Variants in ADAMTS2 observed in about 807,000 individuals in gnomAD.
ADAMTS2 encodes the protein A disintegrin and metalloproteinase with thrombospondin motifs 2.
Under a neutral mutation model 123.0 loss-of-function variants are expected in ADAMTS2, and 50 were observed. That is an observed-to-expected ratio of 0.41 (90% CI 0.32 to 0.51). ADAMTS2 has a LOEUF of 0.51. Among genes scored for constraint, ADAMTS2 ranks in the 20% least tolerant of loss-of-function variants. ADAMTS2 has a pLI of 0.35. For synonymous variants in ADAMTS2, 678 were observed against 695.4 expected (o/e 0.98, Z 0.39); for missense variants, 1,494 against 1,705.2 (o/e 0.88, Z 2.18).
At chr5:179,302,645 G>T (rs569007303) in intron 2 of ADAMTS2, among the ~76,000 whole-genome samples, 1 of 151,900 alleles carries the variant, frequency 6.6e-6, no homozygotes, top group Non-Finnish European at 1.5e-5. Flanking sequence ...CTCCCGGGGG[G>T]GCAAATGGCA....
In ADAMTS2 at chr5:179,132,932, A is replaced by T; in HGVS notation, c.2086-32T>A. 6.2e-7 allele frequency: 1 copy of T among 1,609,792 alleles called. No individual in the cohort carries two copies. Among genetic ancestry groups the T allele is most frequent in the Non-Finnish European group, 8.5e-7 (1 of 1,178,308 alleles). On this transcript the variant is annotated intron_variant, in intron 13 of 21. Coordinates refer to ENST00000251582, the MANE Select transcript of ADAMTS2 (RefSeq NM_014244.5). This position sits in a 1 kb window ranked among gnomAD's most constrained non-coding sequence, Gnocchi z 6.1. ...GGGGAGGAGGCAGTGAGCACTTGAGACGTCCTGCTAGTAGAGTCAGGGTCA... is the reference window on the plus strand; with the variant it reads ...GGGGAGGAGGCAGTGAGCACTTGAGTCGTCCTGCTAGTAGAGTCAGGGTCA...
chr5:179,319,150 C>T (rs955718671), intron 2 of ADAMTS2, among the ~76,000 whole-genome samples: 3 of 152,178 alleles, frequency 2.0e-5, no homozygotes, highest in African/African-American at 4.8e-5. Flanking sequence ...ACATGCACCA[C>T]GTGTGCACTC....
rs1561642567 is a variant in ADAMTS2, at chr5:179,256,567, G to A, written c.688+16344C>T. ...GGAGAGAGAGACGGAGAGAGTTTAT[G>A]TACGTGTAACTACCAACCAGAGTCC... is the stretch of plus-strand genomic sequence containing the variant. On this transcript the variant is annotated intron_variant, in intron 3 of 21. Transcript: ENST00000251582. The surrounding 1 kb of genome is among the most constrained non-coding windows in gnomAD (Gnocchi z 4.1). 6.6e-6 allele frequency among the ~76,000 whole-genome samples: 1 copy of A among 152,176 alleles called. No individual in the cohort carries two copies. Among genetic ancestry groups the A allele is most frequent in the Non-Finnish European group, 1.5e-5 (1 of 68,020 alleles).
intron 3 of ADAMTS2, among the ~76,000 whole-genome samples, chr5:179,233,112 G>A (rs1765448274): frequency 6.6e-6 from 1 of 152,196 alleles, no homozygotes; most frequent in African/African-American, 2.4e-5. Context: ...TTTACTGGGA[G>A]AATCGTTTTT....
At chr5:179,283,112 T>C (rs1766963858) in intron 2 of ADAMTS2, among the ~76,000 whole-genome samples, 1 of 151,950 alleles carries the variant, frequency 6.6e-6, no homozygotes, top group African/African-American at 2.4e-5. Flanking sequence ...ACTTTAAAAC[T>C]GAGACACCTG....
chr5:179,300,531 T>A (rs961197765), intron 2 of ADAMTS2, among the ~76,000 whole-genome samples: 5 of 152,206 alleles, frequency 3.3e-5, no homozygotes, highest in Non-Finnish European at 7.3e-5. Context: ...CCCATTGATG[T>A]CTTTGCAACA....
Position 179,151,899 on chromosome 5 carries a change from G to A in ADAMTS2, c.1629+243C>T, listed in dbSNP as rs191949094. ...TCCTTAAAGGGGGATTCCTGAGTGG[G>A]GGGCATGAAGCACCATGAGGAACTC... On this transcript the variant is annotated intron_variant, in intron 10 of 21. Coordinates refer to ENST00000251582, the MANE Select transcript of ADAMTS2 (RefSeq NM_014244.5). Among the ~76,000 whole-genome samples, 90 of 152,288 alleles carry A rather than the reference G, an allele frequency of 5.9e-4. 1 individual carries two copies. In the East Asian group the frequency reaches 0.015, roughly 26 times the overall value.
rs147352729 is a variant in ADAMTS2 at position 179,266,484 on chromosome 5, G to A, written c.688+6427C>T. ...GGAACGCCAACAGCCCCCAGGAGCT[G>A]GGAGGGGCCAGGAATGGATTCTGCC... On this transcript the variant is annotated intron_variant, in intron 3 of 21. Coordinates refer to ENST00000251582, the MANE Select transcript of ADAMTS2 (RefSeq NM_014244.5). Among the ~76,000 whole-genome samples the A allele has an allele frequency of 6.9e-3, 1,054 of 152,314 alleles. 14 individuals carry two copies. The highest frequency in any genetic ancestry group is 0.024 in the African/African-American group (1,012 of 41,572).
At chr5:179,320,176 T>C (rs920819859) in intron 2 of ADAMTS2, among the ~76,000 whole-genome samples, 4 of 152,204 alleles carry the variant, frequency 2.6e-5, no homozygotes, top group African/African-American at 9.6e-5. Context: ...GCTCCATGTC[T>C]GCCTCGTGTC....
At chr5:179,321,917 T>G (rs1024965370) in intron 2 of ADAMTS2, among the ~76,000 whole-genome samples, 2 of 152,024 alleles carry the variant, frequency 1.3e-5, no homozygotes, top group African/African-American at 4.8e-5. Flanking sequence ...GTTTCCTGAG[T>G]AGATTATGCT....
At chr5:179,236,843 C>A (rs1366041430) in intron 3 of ADAMTS2, among the ~76,000 whole-genome samples, 3 of 152,054 alleles carry the variant, frequency 2.0e-5, no homozygotes, top group African/African-American at 7.2e-5. Context: ...TATTTGTACC[C>A]CCAAAATTCA....
intron 10 of ADAMTS2, among the ~76,000 whole-genome samples, chr5:179,148,166 A>G (rs1269572528): frequency 6.6e-6 from 1 of 152,034 alleles, no homozygotes; most frequent in Non-Finnish European, 1.5e-5. Context: ...GCACAGCAGC[A>G]CTGCAGCGCT....
At chr5:179,135,695 G>C (rs1763054603) in intron 13 of ADAMTS2, among the ~76,000 whole-genome samples, 1 of 152,150 alleles carries the variant, frequency 6.6e-6, no homozygotes, top group African/African-American at 2.4e-5. Context: ...AAACTCTCCA[G>C]GTGAGTCCTA....
chr5:179,275,183 G>A (rs1476745105), intron 2 of ADAMTS2, among the ~76,000 whole-genome samples: 1 of 152,162 alleles, frequency 6.6e-6, no homozygotes, highest in Non-Finnish European at 1.5e-5. Context: ...GGCTGCGGCA[G>A]GGGGAATGGG....
At chr5:179,223,431 CACGA>C (rs1765181841) in intron 3 of ADAMTS2, among the ~76,000 whole-genome samples, 2 of 151,482 alleles carry the variant, frequency 1.3e-5, no homozygotes. Context: ...CATGCACTCA[CACGA>C]ACGCACTCAC....
intron 10 of ADAMTS2, among the ~76,000 whole-genome samples, chr5:179,144,822 G>A: frequency 6.6e-6 from 1 of 152,186 alleles, no homozygotes; most frequent in Non-Finnish European, 1.5e-5. Context: ...CTTGACCTAA[G>A]TAATGGTTTC....
intron 2 of ADAMTS2, among the ~76,000 whole-genome samples, chr5:179,284,047 C>A (rs1022342932): frequency 6.6e-6 from 1 of 150,956 alleles, no homozygotes; most frequent in African/African-American, 2.4e-5. Context: ...AACCCAAAAT[C>A]CAACCGGGCG....
chr5:179,139,058 C>A (rs1366998761), intron 11 of ADAMTS2, among the ~76,000 whole-genome samples: 5 of 152,178 alleles, frequency 3.3e-5, no homozygotes, highest in African/African-American at 1.2e-4. Context: ...ACCAGACAGG[C>A]CAAAAAGGAA....
At chr5:179,253,767 T>A (rs1241952212) in intron 3 of ADAMTS2, among the ~76,000 whole-genome samples, 1 of 152,128 alleles carries the variant, frequency 6.6e-6, no homozygotes, top group African/African-American at 2.4e-5. Flanking sequence ...CAGACCCTTC[T>A]CACCCTTTGG....
Sources: gnomAD v4.1 joint callset for allele counts (sites outside exome capture counted in the v4.1 genomes callset) on GRCh38, gnomAD v4.1.1 for gene constraint, Gnocchi (gnomAD v3.1) non-coding constraint, MANE v1.5 for transcripts, NCBI Gene and HGNC (gene_info 2026-07-23, HGNC 2026-07-21) for gene names.